Variants in PATL1 observed in about 807,000 individuals in gnomAD.
PATL1 encodes the protein PAT1 homolog 1, processing body mRNA decay factor, also known as protein PAT1 homolog 1.
In PATL1, 32 loss-of-function variants were observed where a neutral mutation model predicts 100.6. The observed-to-expected ratio is 0.32, with a 90% confidence interval of 0.24 to 0.43. The LOEUF (loss-of-function observed/expected upper bound fraction) is 0.43, where lower values mean the gene tolerates loss of function less well. PATL1 is among the 20% of genes least tolerant of loss of function. The pLI is 1.00. For synonymous variants in PATL1, 332 were observed against 330.0 expected (o/e 1.01, Z -0.07); for missense variants, 747 against 949.9 (o/e 0.79, Z 2.81).
Position 59,638,107 on chromosome 11 carries a change from A to C in PATL1, c.*283T>G. The C allele has an allele frequency of 2.1e-6, 1 of 478,406 alleles. No homozygotes were observed. Among genetic ancestry groups the C allele is most frequent in the Non-Finnish European group, 3.8e-6 (1 of 262,796 alleles). The allele number at this position is 478,406 out of a possible 1,614,324, so 29.6% of individuals were successfully genotyped here. A position where few individuals can be genotyped will look rare whatever the true frequency, so the allele number is the denominator to read the frequency against. On this transcript the variant is annotated 3_prime_UTR_variant, in exon 19 of 19. Transcript: ENST00000300146. ...AGGGAGAGATTACACTTGTGTCTCT[A>C]GGGCAAAGAAAATGCAAAACAGAAC...
At chr11:59,666,249 AAAG>A (rs1235759784) in intron 2 of PATL1, among the ~76,000 whole-genome samples, 1 of 151,456 alleles carries the variant, frequency 6.6e-6, no homozygotes, top group Non-Finnish European at 1.5e-5. Flanking sequence ...TCATCTCGAA[AAAG>A]AATAAATAAA....
intron 16 of PATL1, among the ~76,000 whole-genome samples, chr11:59,640,082 C>G (rs1565129587): frequency 6.6e-6 from 1 of 151,460 alleles, no homozygotes; most frequent in Admixed American, 6.6e-5. Context: ...TGGCTCATGC[C>G]TGTAATCCCA....
chr11:59,640,888 G>T (rs1375109540), intron 16 of PATL1, among the ~76,000 whole-genome samples: 1 of 151,270 alleles, frequency 6.6e-6, no homozygotes, highest in African/African-American at 2.4e-5. Context: ...AAATCAATCG[G>T]AGGCTGGGTG....
intron 15 of PATL1, among the ~76,000 whole-genome samples, chr11:59,644,745 T>G (rs1384066290): frequency 6.6e-6 from 1 of 152,062 alleles, no homozygotes; most frequent in Admixed American, 6.6e-5. Context: ...GATAGAACTG[T>G]GTATTTTCCA....
At chr11:59,667,532 A>C (rs1048824331) in intron 1 of PATL1, among the ~76,000 whole-genome samples, 1 of 152,224 alleles carries the variant, frequency 6.6e-6, no homozygotes, top group South Asian at 2.1e-4. Context: ...AAGCTGTGGT[A>C]TGACAAGTTC....
Position 59,638,018 on chromosome 11 carries a change from G to A in PATL1, c.*372C>T, listed in dbSNP as rs1217605882. The A allele has an allele frequency of 3.9e-6, 1 of 255,676 alleles. No individual in the cohort carries two copies. Among genetic ancestry groups the A allele is most frequent in the Non-Finnish European group, 7.7e-6 (1 of 130,618 alleles). 15.8% of individuals were successfully genotyped at this position (255,676 alleles called of 1,614,324 possible). ...GGGCAATGAAAAAACAACTTCAATA[G>A]GATGAGGGAAGGAATCCTTTGGCAG... On this transcript the variant is annotated 3_prime_UTR_variant, in exon 19 of 19. Transcript: ENST00000300146.
chr11:59,638,073 G>T lies in PATL1; in HGVS notation c.*317C>A. On this transcript the variant is annotated 3_prime_UTR_variant, in exon 19 of 19. Transcript: ENST00000300146. ...CAATCTACTCTGAGGTGGAGTAGTG[G>T]AGGGATAAAGGGAGAGATTACACTT... 1 of 365,358 alleles carries T rather than the reference G, an allele frequency of 2.7e-6. No individual in the cohort carries two copies. The highest frequency in any genetic ancestry group is 5.1e-6 in the Non-Finnish European group (1 of 195,828). 22.6% of individuals were successfully genotyped at this position (365,358 alleles called of 1,614,324 possible).
At chr11:59,656,384 TA>T in intron 6 of PATL1, 114 bp downstream of exon 6, 4 of 872,698 alleles carry the variant, frequency 4.6e-6, no homozygotes, top group Non-Finnish European at 7.0e-6. Flanking sequence ...AAGGAGATTA[TA>T]AAAAATAGGT....
intron 5 of PATL1, chr11:59,657,148 C>G (rs1390907733): frequency 1.0e-6 from 1 of 984,366 alleles, no homozygotes; most frequent in Non-Finnish European, 1.2e-6. Flanking sequence ...CAGGACTGCA[C>G]AGGCTCTAGG....
Position 59,659,217 on chromosome 11 carries a change from C to T in PATL1, c.345+35G>A, listed in dbSNP as rs1373388641. 6 of 1,529,424 alleles carry T rather than the reference C, an allele frequency of 3.9e-6. No homozygotes were observed. In the Admixed American group the frequency reaches 1.2e-4, roughly 30 times the overall value. The allele number at this position is 1,529,424 out of a possible 1,614,324, so 94.7% of individuals were successfully genotyped here. On this transcript the variant is annotated intron_variant, in intron 3 of 18. Transcript: ENST00000300146. The stretch of plus-strand genomic sequence containing the variant: ...TCAATACTTCACTTTAATTTTTAGT[C>T]TGCTATAGTTCTCAAATCACAGTAA...
intron 13 of PATL1, 119 bp from the exon 14 acceptor site, chr11:59,649,729 T>A (rs79517909): frequency 1.6e-5 from 4 of 257,360 alleles, no homozygotes; most frequent in Non-Finnish European, 2.1e-5. Context: ...AAGACTGAGA[T>A]TTTTTTTTTT....
Position 59,652,823 on chromosome 11 carries a change from GCA to G in PATL1, c.1302+13_1302+14del, listed in dbSNP as rs1305905085. On this transcript the variant is annotated intron_variant, in intron 10 of 18. Coordinates refer to ENST00000300146, the MANE Select transcript of PATL1 (RefSeq NM_152716.3). ...GACCAAACTATTATCCTCAAAACTA[GCA>G]CAGAGTATTTACCTGGTAATAAAAA... 6.2e-7 allele frequency: 1 copy of G among 1,610,020 alleles called. No individual in the cohort carries two copies. The highest frequency in any genetic ancestry group is 1.1e-5 in the South Asian group (1 of 90,912).
At chr11:59,658,321 G>GTT (rs775993556) in intron 4 of PATL1, among the ~76,000 whole-genome samples, 32 of 144,922 alleles carry the variant, frequency 2.2e-4, no homozygotes, top group African/African-American at 2.8e-4. Flanking sequence ...ATAGAAATGA[G>GTT]TTTTTTTTTT....
chr11:59,652,193 CTTAT>C (rs961545228), intron 11 of PATL1, among the ~76,000 whole-genome samples: 8 of 151,554 alleles, frequency 5.3e-5, no homozygotes, highest in Non-Finnish European at 1.0e-4. Context: ...GTATTTCCCC[CTTAT>C]TTATTTTAGG....
Position 59,652,927 on chromosome 11 carries a change from T to A in PATL1, c.1213A>T (p.Met405Leu). 6.2e-7 allele frequency: 1 copy of A among 1,611,720 alleles called. No homozygotes were observed. The highest frequency in any genetic ancestry group is 8.5e-7 in the Non-Finnish European group (1 of 1,177,892). The change falls in exon 10 of 19, where the codon ATG becomes TTG. Residue 405 changes from methionine to leucine, a missense_variant. Coordinates refer to ENST00000300146, the MANE Select transcript of PATL1 (RefSeq NM_152716.3). ...HLRKDPYANL[M>L]LQREKDWVSK... Reference sequence around the variant, plus strand: ...ACCCAATCCTTTTCCCGCTGCAACATGAGATTGGCATATGGATCCTTTCGG... The same window carrying A: ...ACCCAATCCTTTTCCCGCTGCAACAAGAGATTGGCATATGGATCCTTTCGG...
intron 2 of PATL1, among the ~76,000 whole-genome samples, chr11:59,665,796 T>C (rs369956513): frequency 2.0e-5 from 3 of 151,492 alleles, no homozygotes; most frequent in Admixed American, 6.6e-5. Context: ...AAAACAAATA[T>C]ATGTGTATGT....
At chr11:59,641,218 G>C (rs1861273976) in intron 16 of PATL1, among the ~76,000 whole-genome samples, 1 of 152,114 alleles carries the variant, frequency 6.6e-6, no homozygotes, top group Non-Finnish European at 1.5e-5. Context: ...TACTCAAGAG[G>C]CTGAGGTGGG....
Position 59,653,013 on chromosome 11 carries a change from T to C in PATL1, c.1127A>G (p.His376Arg), listed in dbSNP as rs750904959. 1.4e-5 allele frequency: 23 copies of C among 1,609,816 alleles called. No homozygotes were observed. The highest frequency in any genetic ancestry group is 1.1e-4 in the South Asian group (10 of 90,760). Residue 376 changes from histidine to arginine, a missense_variant, in exon 10 of 19, where the codon CAT (histidine) becomes CGT (arginine). This residue lies in a region of PATL1 where 434 missense variants were observed against 596.1 expected (regional missense o/e 0.73). Coordinates refer to ENST00000300146, the MANE Select transcript of PATL1 (RefSeq NM_152716.3). The part of the protein sequence containing the change: ...HQRQQQNRSQ[H>R]RNLNGAGDRG... The stretch of plus-strand genomic sequence containing the variant: ...ATCTCCCGCACCATTGAGATTCCGA[T>C]GCTGACTGAAAAACATACACCACAT...
At chr11:59,657,854 A>T (rs1160522830) in intron 4 of PATL1, 130 bp from the exon 5 acceptor site, 1 of 774,482 alleles carries the variant, frequency 1.3e-6, no homozygotes, top group Non-Finnish European at 1.9e-6. Flanking sequence ...ACATATAGTA[A>T]AATTCACTTT....
Sources: gnomAD v4.1 joint callset for allele counts (sites outside exome capture counted in the v4.1 genomes callset) on GRCh38, gnomAD v4.1.1 for gene constraint, gnomAD v4.1.1 regional missense constraint, MANE v1.5 for transcripts, NCBI Gene and HGNC (gene_info 2026-07-23, HGNC 2026-07-21) for gene names.